The following LMF1 variants were observed in gnomAD, a reference collection of about 807,000 sequenced individuals.
The protein encoded by LMF1 is lipase maturation factor 1.
LMF1 carries 68 observed loss-of-function variants against 60.6 expected under a neutral mutation model. The ratio of observed to expected loss-of-function variants is 1.12; its 90% CI spans 0.92 to 1.37. LMF1 has a LOEUF of 1.37. LMF1 is among the 40% of genes most tolerant of loss of function. The pLI is 0.00. For missense variants in LMF1, 948 were observed against 767.2 expected (o/e 1.24, Z -2.78); for synonymous variants, 418 against 324.7 (o/e 1.29, Z -3.09).
chr16:908,157 T>TGG (rs1226077384), intron 4 of LMF1, among the ~76,000 whole-genome samples: 2 of 152,210 alleles, frequency 1.3e-5, no homozygotes, highest in Non-Finnish European at 2.9e-5. Flanking sequence ...GGGTGGAACC[T>TGG]AAAACTAAGC....
Position 954,377 on chromosome 16 carries a change from C to T in LMF1, c.483G>A (p.Leu161=). ...MAALWGLYMS[L]VNVGHVWYSF... is the part of the protein sequence containing the mutation. ...CTCACCAGACATGGCCCACATTAAC[C>T]AGGGACATGTAGAGGCCCCACAGGG... The change falls in exon 2 of 11, where the codon CTG becomes CTA. Residue 161 remains leucine (L), a synonymous_variant. Coordinates refer to ENST00000262301, the MANE Select transcript of LMF1 (RefSeq NM_022773.4). The T allele has an allele frequency of 6.2e-7, 1 of 1,612,518 alleles. No individual in the cohort carries two copies. Among genetic ancestry groups the T allele is most frequent in the Non-Finnish European group, 8.5e-7 (1 of 1,179,652 alleles).
intron 10 of LMF1, among the ~76,000 whole-genome samples, chr16:857,984 C>CGTGGTGTCTCGGGATGGGTGTGA (rs1596825266): frequency 3.7e-3 from 7 of 1,904 alleles, no homozygotes; most frequent in Admixed American, 5.4e-3. Context: ...GATGGGTGTG[C>CGTGGTGTCTCGGGATGGGTGTGA]GTGGTGTCTC....
At chr16:930,100 C>A (rs1446764045) in intron 3 of LMF1, among the ~76,000 whole-genome samples, 2 of 102,040 alleles carry the variant, frequency 2.0e-5, no homozygotes, top group African/African-American at 4.6e-5. Context: ...GGGCGCAGGA[C>A]CCTGGGACAC....
At chr16:925,901 G>A (rs1231226727) in intron 3 of LMF1, among the ~76,000 whole-genome samples, 2 of 152,284 alleles carry the variant, frequency 1.3e-5, no homozygotes, top group Non-Finnish European at 2.9e-5. Flanking sequence ...CTGCATGTGT[G>A]TCTGTGTGCA....
intron 2 of LMF1, among the ~76,000 whole-genome samples, chr16:941,668 G>A (rs2072103785): frequency 6.6e-6 from 1 of 152,184 alleles, no homozygotes; most frequent in African/African-American, 2.4e-5. Context: ...CTTACTGGAA[G>A]CAAACATGTT....
rs224165 is a variant in LMF1, at chr16:874,354, C to G, written c.898-3013G>C. On this transcript the variant is annotated intron_variant, in intron 6 of 10. Coordinates refer to ENST00000262301, the MANE Select transcript of LMF1 (RefSeq NM_022773.4). This position sits in a 1 kb window ranked among gnomAD's most constrained non-coding sequence, Gnocchi z 4.1. ...AGGGCAAGGAGCCCTTTGGGCAGGG[C>G]GGGGTGGGGTGGGGCCGGACAGCCC... 6.4e-4 allele frequency among the ~76,000 whole-genome samples: 84 copies of G among 130,918 alleles called. No individual in the cohort carries two copies. Among genetic ancestry groups the G allele is most frequent in the Non-Finnish European group, 7.4e-4 (46 of 62,106 alleles). The allele number at this position is 130,918 out of a possible 152,430, so 85.9% of individuals were successfully genotyped here.
At chr16:963,560 T>C (rs1206038768) in intron 1 of LMF1, among the ~76,000 whole-genome samples, 1 of 152,136 alleles carries the variant, frequency 6.6e-6, no homozygotes, top group Non-Finnish European at 1.5e-5. Context: ...CTGGCATGTA[T>C]GCAGGTGGGA....
rs562340904 is a variant in LMF1 at position 954,784 on chromosome 16, C to A, written c.194-118G>T. ...GGAAGGGGAGGCAGAGTCTGGCTGACGGTTTGGGGCCAAACCCTAGACTCA... is the reference window on the plus strand; with the variant it reads ...GGAAGGGGAGGCAGAGTCTGGCTGAAGGTTTGGGGCCAAACCCTAGACTCA... On this transcript the variant is annotated intron_variant, in intron 1 of 10. Coordinates refer to ENST00000262301, the MANE Select transcript of LMF1 (RefSeq NM_022773.4). 6 of 910,830 alleles carry A rather than the reference C, an allele frequency of 6.6e-6. No individual in the cohort carries two copies. In the South Asian group the frequency reaches 8.8e-5, roughly 13 times the overall value. The allele number at this position is 910,830 out of a possible 1,614,324, so 56.4% of individuals were successfully genotyped here. A position where few individuals can be genotyped will look rare whatever the true frequency, so the allele number is the denominator to read the frequency against.
Position 897,848 on chromosome 16 carries a change from C to T in LMF1, c.664-4776G>A, listed in dbSNP as rs769715197. On this transcript the variant is annotated intron_variant, in intron 4 of 10. Coordinates refer to ENST00000262301, the MANE Select transcript of LMF1 (RefSeq NM_022773.4). This position sits in a 1 kb window ranked among gnomAD's most constrained non-coding sequence, Gnocchi z 4.3. ...TTTCCTGTCTTCCTGGGATGGTTTCCGCACTTTCTTGCCCTCATGCAAGAG... is the reference window on the plus strand; with the variant it reads ...TTTCCTGTCTTCCTGGGATGGTTTCTGCACTTTCTTGCCCTCATGCAAGAG... Among the ~76,000 whole-genome samples the T allele has an allele frequency of 7.2e-5, 11 of 152,352 alleles. No homozygotes were observed. Among genetic ancestry groups the T allele is most frequent in the East Asian group, 5.8e-4 (3 of 5,190 alleles).
In LMF1 at chr16:970,919, C is replaced by G. The variant is rs762530099; in HGVS notation, c.62G>C (p.Gly21Ala). The change falls in exon 1 of 11, where the codon GGG becomes GCG. Residue 21 changes from glycine to alanine, a missense_variant. Coordinates refer to ENST00000262301, the MANE Select transcript of LMF1 (RefSeq NM_022773.4). ...CGACTCAGGCTCCGGATCCGAGTAC[C>G]CAGTCTTCCGCCTCCTCAGCGACTC... ...PAESLRRRKT[G>A]YSDPEPESPP... 1.9e-6 allele frequency: 3 copies of G among 1,579,428 alleles called. No homozygotes were observed. Among genetic ancestry groups the G allele is most frequent in the Non-Finnish European group, 2.6e-6 (3 of 1,162,978 alleles).
intron 2 of LMF1, among the ~76,000 whole-genome samples, chr16:950,370 A>G (rs2072413299): frequency 7.4e-6 from 1 of 135,022 alleles, no homozygotes; most frequent in South Asian, 2.7e-4. Context: ...AGTCAGGCCA[A>G]CGACAGAGTC....
chr16:868,440 C>T (rs549507642), intron 10 of LMF1, among the ~76,000 whole-genome samples: 2 of 152,320 alleles, frequency 1.3e-5, no homozygotes, highest in African/African-American at 4.8e-5. Flanking sequence ...CCTCTGGCTC[C>T]TGAGAATCTG....
rs896758953 is a variant in LMF1 at position 868,951 on chromosome 16, G to A, written c.1522C>T (p.Pro508Ser). The A allele has an allele frequency of 6.2e-7, 1 of 1,608,766 alleles. No homozygotes were observed. Among genetic ancestry groups the A allele is most frequent in the Non-Finnish European group, 8.5e-7 (1 of 1,177,272 alleles). Residue 508 changes from proline to serine, a missense_variant, in exon 10 of 11, where the codon CCG becomes TCG. Transcript: ENST00000262301. ...GCAGGGAGGGCATCCTACCTGGGCGGGGGCCTGCCCGCGAAGGGGTTGTGT... is the reference window on the plus strand; with the variant it reads ...GCAGGGAGGGCATCCTACCTGGGCGAGGGCCTGCCCGCGAAGGGGTTGTGT... ...LAHNPFAGRP[P>S]PRWVRGEHYR... is the part of the protein sequence containing the mutation.
upstream of LMF1, among the ~76,000 whole-genome samples, chr16:974,757 T>A (rs944436988): frequency 6.6e-6 from 1 of 152,076 alleles, no homozygotes; most frequent in African/African-American, 2.4e-5. Context: ...CGTCCAGCTG[T>A]CCCCCAGCAC....
intron 5 of LMF1, 139 bp from the exon 6 acceptor site, chr16:879,876 G>A (rs1235401397): frequency 8.9e-6 from 7 of 787,426 alleles, no homozygotes; most frequent in South Asian, 3.8e-5. Context: ...CCCTGCACAC[G>A]TGGAGCCCAC....
intron 3 of LMF1, among the ~76,000 whole-genome samples, chr16:929,467 G>A (rs2071706757): frequency 6.6e-6 from 1 of 152,224 alleles, no homozygotes; most frequent in Admixed American, 6.5e-5. Flanking sequence ...TCTGGTCCTG[G>A]AGGGAAAGCA....
At chr16:928,275 C>T (rs1052993488) in intron 3 of LMF1, among the ~76,000 whole-genome samples, 9 of 152,172 alleles carry the variant, frequency 5.9e-5, no homozygotes, top group East Asian at 1.9e-4. Context: ...TGTGTGTTGG[C>T]GCTGACACCT....
In LMF1 at chr16:869,966, G is replaced by C. The variant is rs1567152988; in HGVS notation, c.1333C>G (p.Pro445Ala). 1 of 1,613,334 alleles carries C rather than the reference G, an allele frequency of 6.2e-7. No individual in the cohort carries two copies. Among genetic ancestry groups the C allele is most frequent in the African/African-American group, 1.3e-5 (1 of 75,064 alleles). The change falls in exon 9 of 11, where the codon CCA (proline) becomes GCA (alanine). Residue 445 changes from proline (P) to alanine (A), a missense_variant. Transcript: ENST00000262301. ...MWEDYEFKCK[P>A]GDPSRRPCLI... is the part of the protein sequence containing the mutation. ...CAGGGCCGTCTGCTGGGGTCACCTGGCTTGCACTTGAACTCGTAGTCCTCC... is the reference window on the plus strand; with the variant it reads ...CAGGGCCGTCTGCTGGGGTCACCTGCCTTGCACTTGAACTCGTAGTCCTCC...
intron 4 of LMF1, among the ~76,000 whole-genome samples, chr16:896,196 G>C (rs35940336): frequency 4.6e-5 from 4 of 86,106 alleles, no homozygotes; most frequent in East Asian, 3.9e-4. Flanking sequence ...ACGGTCCACA[G>C]ACACGCCTTG....
Sources: gnomAD v4.1 joint callset for allele counts (sites outside exome capture counted in the v4.1 genomes callset) on GRCh38, gnomAD v4.1.1 for gene constraint, Gnocchi (gnomAD v3.1) non-coding constraint, MANE v1.5 for transcripts, NCBI Gene and HGNC (gene_info 2026-07-23, HGNC 2026-07-21) for gene names.